ZBTB40: variants seen among roughly 807,000 people sequenced by gnomAD.
The protein encoded by ZBTB40 is zinc finger and BTB domain containing 40.
ZBTB40 carries 60 observed loss-of-function variants against 117.5 expected under a neutral mutation model. That is an observed-to-expected ratio of 0.51 (90% confidence interval 0.41 to 0.63). The LOEUF is 0.63. Ranked by LOEUF, ZBTB40 falls within the 30% of genes least tolerant of loss-of-function variation. The probability of loss-of-function intolerance (pLI) is 0.00; values close to 1 mark genes in which losing one functional copy is unlikely to be tolerated. For missense variants in ZBTB40, 1,287 were observed against 1,498.5 expected (o/e 0.86, Z 2.33); for synonymous variants, 525 against 577.1 (o/e 0.91, Z 1.29).
At chr1:22,511,030 T>C in intron 9 of ZBTB40, 149 bp from the exon 10 acceptor site, 1 of 995,270 alleles carries the variant, frequency 1.0e-6, no homozygotes, top group Non-Finnish European at 1.5e-6. Context: ...AGCTGTCCAC[T>C]ACATTTATCA....
Position 22,494,633 on chromosome 1 carries a change from A to T in ZBTB40, c.831+3100A>T, listed in dbSNP as rs1279207150. ...TTAGTGTGTGATGGCAGATGTCATA[A>T]TGTCTGTGCTGGCACCTTTCAGTGG... On this transcript the variant is annotated intron_variant, in intron 3 of 17. Transcript: ENST00000375647. 2.0e-5 allele frequency among the ~76,000 whole-genome samples: 3 copies of T among 152,322 alleles called. No individual in the cohort carries two copies. In the East Asian group the frequency reaches 5.8e-4, roughly 29 times the overall value.
At position 22,477,839 on chromosome 1, in the gene ZBTB40, G is replaced by A. The variant is rs78317832; in HGVS notation, c.-69-12041G>A. On this transcript the variant is annotated intron_variant, in intron 1 of 17. Transcript: ENST00000375647. ...CTGGGATTAACAGGCGTGAGCCAGC[G>A]TGCCCAGCCATCTTAATTTGTTTTT... 1.0e-3 allele frequency among the ~76,000 whole-genome samples: 158 copies of A among 152,242 alleles called. 3 individuals carry two copies. The East Asian group carries it at 0.024, about 23-fold the overall frequency.
intron 1 of ZBTB40, among the ~76,000 whole-genome samples, chr1:22,434,739 CT>C (rs1163421956): frequency 3.3e-5 from 5 of 152,026 alleles, no homozygotes; most frequent in Non-Finnish European, 5.9e-5. Flanking sequence ...TATTTCTGGA[CT>C]TTCTTTTTGT....
At chr1:22,506,559 G>T (rs1639081225) in intron 6 of ZBTB40, among the ~76,000 whole-genome samples, 1 of 152,172 alleles carries the variant, frequency 6.6e-6, no homozygotes, top group South Asian at 2.1e-4. Flanking sequence ...GCTTAGCACT[G>T]TGTCAGCCAT....
upstream of ZBTB40, among the ~76,000 whole-genome samples, chr1:22,451,366 A>T (rs1391980903): frequency 1.3e-5 from 2 of 152,194 alleles, no homozygotes; most frequent in Admixed American, 6.5e-5. Flanking sequence ...GAGCTCCATT[A>T]GAACTTTCCT....
chr1:22,495,953 CAAAT>C (rs1393041448), intron 3 of ZBTB40, among the ~76,000 whole-genome samples: 5 of 152,138 alleles, frequency 3.3e-5, no homozygotes, highest in African/African-American at 7.2e-5. Flanking sequence ...TAAAAACAAA[CAAAT>C]AAAGGCAAGG....
chr1:22,429,775 C>G (rs953517540), intron 1 of ZBTB40, among the ~76,000 whole-genome samples: 25 of 152,160 alleles, frequency 1.6e-4, no homozygotes, highest in Non-Finnish European at 2.5e-4. Flanking sequence ...GGTGGATCAC[C>G]TAAGGTTGGG....
At chr1:22,473,831 T>C (rs547237278) in intron 1 of ZBTB40, among the ~76,000 whole-genome samples, 22 of 152,286 alleles carry the variant, frequency 1.4e-4, no homozygotes, top group African/African-American at 4.8e-4. Flanking sequence ...CTTGGCATTA[T>C]AGAGGAAGGA....
upstream of ZBTB40, among the ~76,000 whole-genome samples, chr1:22,451,059 G>A (rs1463112834): frequency 2.0e-5 from 3 of 152,208 alleles, no homozygotes; most frequent in East Asian, 5.8e-4. Flanking sequence ...AACGCATAGT[G>A]TGTGAGAAGG....
rs146143477 is a variant in ZBTB40, at chr1:22,460,460, C to G, written c.-70+8456C>G. On this transcript the variant is annotated intron_variant, in intron 1 of 17. Transcript: ENST00000375647. ...CACATCATGTTGATAATAATAGTTA[C>G]CATTTATTGAACACATACAAAATAC... Among the ~76,000 whole-genome samples, 138 of 152,160 alleles carry G rather than the reference C, an allele frequency of 9.1e-4. 2 individuals carry two copies. In the East Asian group the frequency reaches 0.024, roughly 26 times the overall value.
At chr1:22,507,259 G>A (rs975186180) in intron 6 of ZBTB40, among the ~76,000 whole-genome samples, 1 of 152,114 alleles carries the variant, frequency 6.6e-6, no homozygotes, top group Non-Finnish European at 1.5e-5. Flanking sequence ...TATCACATTC[G>A]TTTTTGTGTG....
chr1:22,467,941 T>A (rs1030195665), intron 1 of ZBTB40, among the ~76,000 whole-genome samples: 1 of 151,672 alleles, frequency 6.6e-6, no homozygotes, highest in Non-Finnish European at 1.5e-5. Flanking sequence ...ATCAAAAAAT[T>A]AGTCAGGTGT....
At chr1:22,469,368 T>G (rs1005949816) in intron 1 of ZBTB40, among the ~76,000 whole-genome samples, 2 of 152,016 alleles carry the variant, frequency 1.3e-5, no homozygotes, top group South Asian at 2.1e-4. Context: ...GAGTGTGGTG[T>G]CTGTTCGCAG....
chr1:22,512,847 T>G (rs1233174997), intron 11 of ZBTB40, 77 bp from the exon 12 acceptor site: 6 of 1,539,656 alleles, frequency 3.9e-6, no homozygotes, highest in Non-Finnish European at 5.4e-6. Flanking sequence ...GAGACAGTGC[T>G]CTTGGTATCC....
intron 15 of ZBTB40, among the ~76,000 whole-genome samples, 180 bp downstream of exon 15, chr1:22,521,838 T>C (rs1009444): frequency 0.011 from 1,608 of 152,298 alleles, 55 homozygotes; most frequent in Admixed American, 0.06. Flanking sequence ...TGAGTGGCAG[T>C]GGTTCTCAAA....
At chr1:22,462,648 A>G (rs189090070) in intron 1 of ZBTB40, among the ~76,000 whole-genome samples, 1 of 152,360 alleles carries the variant, frequency 6.6e-6, no homozygotes, top group Admixed American at 6.5e-5. Context: ...TTCCTCATCT[A>G]TGAAATGTGG....
upstream of ZBTB40, among the ~76,000 whole-genome samples, chr1:22,451,626 CAA>C (rs1014168060): frequency 2.1e-4 from 31 of 147,514 alleles, 1 homozygote; most frequent in Non-Finnish European, 3.9e-4. Flanking sequence ...GCCTGGGAAA[CAA>C]GAGCGAATCT....
chr1:22,458,964 C>T (rs1451625075), intron 1 of ZBTB40, among the ~76,000 whole-genome samples: 1 of 152,168 alleles, frequency 6.6e-6, no homozygotes, highest in Non-Finnish European at 1.5e-5. Flanking sequence ...TTATTTCATA[C>T]CTAAACCCTT....
At chr1:22,490,782 CT>C in intron 2 of ZBTB40, 137 bp downstream of exon 2, 1 of 944,022 alleles carries the variant, frequency 1.1e-6, no homozygotes, top group Non-Finnish European at 1.6e-6. Context: ...CTGGGCCATT[CT>C]TTTAAAAGTG....
Sources: gnomAD v4.1 joint callset for allele counts (sites outside exome capture counted in the v4.1 genomes callset) on GRCh38, gnomAD v4.1.1 for gene constraint, MANE v1.5 for transcripts, NCBI Gene and HGNC (gene_info 2026-07-23, HGNC 2026-07-21) for gene names.